Variants in MAOA observed in about 807,000 individuals in gnomAD.
MAOA encodes the protein amine oxidase [flavin-containing] A.
Under a neutral mutation model 42.0 loss-of-function variants are expected in MAOA, and 6 were observed. That is an observed-to-expected ratio of 0.14 (90% CI 0.08 to 0.28). The LOEUF (loss-of-function observed/expected upper bound fraction) is 0.28. Ranked by LOEUF, MAOA falls within the 10% of genes least tolerant of loss-of-function variation. The probability of loss-of-function intolerance (pLI) is 1.00; values close to 1 mark genes in which losing one functional copy is unlikely to be tolerated. For missense variants in MAOA, 262 were observed against 422.3 expected (o/e 0.62, Z 3.33); for synonymous variants, 140 against 154.0 (o/e 0.91, Z 0.67).
At chrX:43,711,243 A>G (rs543571737) in intron 3 of MAOA, among the ~76,000 whole-genome samples, 21 of 112,004 alleles carry the variant, frequency 1.9e-4, no homozygotes, top group African/African-American at 6.8e-4. Flanking sequence ...AAGAAGAGAG[A>G]CAATTTCCCA....
At chrX:43,718,781 CA>C (rs1483077179) in intron 5 of MAOA, among the ~76,000 whole-genome samples, 3 of 110,306 alleles carry the variant, frequency 2.7e-5, no homozygotes, top group African/African-American at 9.9e-5. Flanking sequence ...TGGTACCGCC[CA>C]GGAATGGTCC....
intron 8 of MAOA, among the ~76,000 whole-genome samples, chrX:43,732,264 G>A (rs943146595): frequency 1.8e-5 from 2 of 111,868 alleles, no homozygotes; most frequent in Non-Finnish European, 3.8e-5. Flanking sequence ...GGTGTTGTGA[G>A]AATTAAATGA....
At position 43,743,875 on chromosome X, in the gene MAOA, A is replaced by T. The variant is rs1409184687; in HGVS notation, c.1344A>T (p.Ala448=). 8.5e-7 allele frequency: 1 copy of T among 1,172,625 alleles called. No individual in the cohort carries two copies. Among genetic ancestry groups the T allele is most frequent in the Admixed American group, 2.5e-5 (1 of 39,728 alleles). The part of the protein sequence containing the change: ...ATKWSGYMEG[A]VEAGERAARE... ...AGTGGAGCGGCTACATGGAAGGGGC[A>T]GTTGAGGCTGGAGAACGAGCAGCTA... Residue 448 remains alanine, a synonymous_variant, in exon 13 of 15, where the codon GCA becomes GCT. Coordinates refer to ENST00000338702, the MANE Select transcript of MAOA (RefSeq NM_000240.4).
chrX:43,740,848 G>A (rs113915980), intron 11 of MAOA, 110 bp downstream of exon 11: 34 of 672,365 alleles, frequency 5.1e-5, no homozygotes, highest in East Asian at 3.4e-4. Context: ...AGTATAAAGC[G>A]ATATGCTTAA....
At chrX:43,675,726 G>C (rs2033388860) in intron 1 of MAOA, among the ~76,000 whole-genome samples, 1 of 112,107 alleles carries the variant, frequency 8.9e-6, no homozygotes, top group African/African-American at 3.2e-5. Context: ...TGTTTGCCTG[G>C]GTATCAGCAG....
At chrX:43,688,790 C>T (rs1317373241) in intron 2 of MAOA, among the ~76,000 whole-genome samples, 1 of 111,531 alleles carries the variant, frequency 9.0e-6, no homozygotes, top group African/African-American at 3.3e-5. Context: ...ATTCTCTGTT[C>T]TACTGGGCAC....
chrX:43,731,999 C>T, intron 8 of MAOA, 146 bp downstream of exon 8: 1 of 588,585 alleles, frequency 1.7e-6, no homozygotes, highest in South Asian at 2.8e-5. Context: ...TCAATTTCCT[C>T]ATATCCTTGG....
At chrX:43,723,349 C>A (rs1437921185) in intron 5 of MAOA, among the ~76,000 whole-genome samples, 1 of 111,206 alleles carries the variant, frequency 9.0e-6, no homozygotes, top group Non-Finnish European at 1.9e-5. Flanking sequence ...TTTGTTTGTG[C>A]CCTCTTTTAT....
intron 2 of MAOA, among the ~76,000 whole-genome samples, chrX:43,684,339 G>T (rs142557411): frequency 2.3e-3 from 259 of 110,999 alleles, no homozygotes; most frequent in Middle Eastern, 4.6e-3. Context: ...ATGAAAGTAG[G>T]CAGGGAGATA....
intron 6 of MAOA, among the ~76,000 whole-genome samples, chrX:43,729,936 G>A (rs1300397064): frequency 9.0e-6 from 1 of 111,215 alleles, no homozygotes; most frequent in African/African-American, 3.3e-5. Context: ...GCTCACACCT[G>A]TAATCCCAGC....
In MAOA at chrX:43,732,640, G is replaced by T. The variant is rs191961078; in HGVS notation, c.956-59G>T. The T allele has an allele frequency of 5.3e-6, 4 of 759,318 alleles. No homozygotes were observed. The East Asian group carries it at 1.3e-4, about 24-fold the overall frequency. The allele number at this position is 759,318 out of a possible 1,213,427, so 62.6% of individuals were successfully genotyped here. A position where few individuals can be genotyped will look rare whatever the true frequency, so the allele number is the denominator to read the frequency against. On this transcript the variant is annotated intron_variant, in intron 8 of 14. Transcript: ENST00000338702. ...AAATAGTTTATATATATTTATGTGT[G>T]TATGGGTGTCTCTGATGAGCTTGAT...
chrX:43,666,378 A>T (rs1277309157), intron 1 of MAOA, among the ~76,000 whole-genome samples: 1 of 111,565 alleles, frequency 9.0e-6, no homozygotes, highest in African/African-American at 3.3e-5. Flanking sequence ...CCTTGAATCC[A>T]TTCTTGGTTC....
Position 43,712,737 on chromosome X carries a change from T to C in MAOA, c.444T>C (p.His148=). The C allele has an allele frequency of 8.3e-7, 1 of 1,209,695 alleles. No individual in the cohort carries two copies. The highest frequency in any genetic ancestry group is 1.1e-6 in the Non-Finnish European group (1 of 893,814). The change falls in exon 5 of 15, where the codon CAT becomes CAC. Residue 148 remains histidine (H), a synonymous_variant. Coordinates refer to ENST00000338702, the MANE Select transcript of MAOA (RefSeq NM_000240.4). The stretch of plus-strand genomic sequence containing the variant: ...CTGATGCACCCTGGGAGGCTCAACA[T>C]GCTGACAAATGGGACAAAATGACCA... ...IPTDAPWEAQ[H]ADKWDKMTMK...
chrX:43,658,974 T>C (rs1032203406), intron 1 of MAOA, among the ~76,000 whole-genome samples: 5 of 111,600 alleles, frequency 4.5e-5, no homozygotes, highest in African/African-American at 1.6e-4. Context: ...TTTATATGCC[T>C]TTGGATGTTC....
At chrX:43,690,896 A>G (rs1404092113) in intron 2 of MAOA, among the ~76,000 whole-genome samples, 2 of 111,780 alleles carry the variant, frequency 1.8e-5, no homozygotes, top group African/African-American at 6.5e-5. Flanking sequence ...TAAGCTAATC[A>G]TGCAAAGAGT....
chrX:43,729,250 AG>A (rs1484897646), intron 6 of MAOA, among the ~76,000 whole-genome samples: 1 of 112,346 alleles, frequency 8.9e-6, no homozygotes, highest in Non-Finnish European at 1.9e-5. Context: ...CTACAGGCAG[AG>A]ATGACAGATT....
At chrX:43,727,952 GA>G (rs750736320) in intron 5 of MAOA, among the ~76,000 whole-genome samples, 94 of 111,922 alleles carry the variant, frequency 8.4e-4, no homozygotes, top group Admixed American at 8.5e-4. Context: ...TGTCTTGCTG[GA>G]CCCTTGGCTC....
At chrX:43,688,279 G>A (rs745368162) in intron 2 of MAOA, among the ~76,000 whole-genome samples, 1 of 111,843 alleles carries the variant, frequency 8.9e-6, no homozygotes, top group South Asian at 3.7e-4. Context: ...ATGTTGCTAG[G>A]AGTTTTTGCT....
intron 1 of MAOA, among the ~76,000 whole-genome samples, chrX:43,662,152 A>G (rs2033238672): frequency 1.8e-5 from 2 of 111,515 alleles, no homozygotes; most frequent in South Asian, 7.4e-4. Flanking sequence ...AAAAGCTTCC[A>G]TTTAAGAAAT....
Sources: allele counts gnomAD v4.1 joint callset (sites outside exome capture counted in the v4.1 genomes callset), GRCh38; gene constraint gnomAD v4.1.1; transcripts MANE v1.5; gene names NCBI Gene and HGNC (gene_info 2026-07-23, HGNC 2026-07-21).